Variants in RSU1 observed in about 807,000 individuals in gnomAD.
RSU1 encodes Ras suppressor protein 1, also known as rsu-1.
In RSU1, 26 loss-of-function variants were observed where a neutral mutation model predicts 31.1. The observed-to-expected ratio is 0.84, with a 90% CI of 0.61 to 1.16. The LOEUF is 1.16. Ranked by LOEUF, RSU1 falls within the 50% of genes most tolerant of loss-of-function variation. The probability of loss-of-function intolerance (pLI) is 0.00; values close to 1 mark genes in which losing one functional copy is unlikely to be tolerated. For synonymous variants in RSU1, 164 were observed against 136.3 expected (o/e 1.20, Z -1.41); for missense variants, 320 against 339.1 (o/e 0.94, Z 0.44).
intron 8 of RSU1, among the ~76,000 whole-genome samples, chr10:16,627,460 G>A (rs1324328328): frequency 6.6e-6 from 1 of 152,096 alleles, no homozygotes; most frequent in African/African-American, 2.4e-5. Flanking sequence ...AGATTAAGAA[G>A]TAACAATTAT....
intron 4 of RSU1, among the ~76,000 whole-genome samples, chr10:16,761,070 T>A (rs758825342): frequency 6.6e-6 from 1 of 152,114 alleles, no homozygotes; most frequent in Non-Finnish European, 1.5e-5. Context: ...GCCTCCCAGG[T>A]AGAGTAGCTG....
At chr10:16,672,197 C>T (rs1030445001) in intron 8 of RSU1, among the ~76,000 whole-genome samples, 10 of 151,160 alleles carry the variant, frequency 6.6e-5, no homozygotes, top group African/African-American at 2.2e-4. Flanking sequence ...GTAGTCCCAG[C>T]TACTCAGGAG....
At chr10:16,687,794 A>G (rs1032702757) in intron 8 of RSU1, among the ~76,000 whole-genome samples, 4 of 152,106 alleles carry the variant, frequency 2.6e-5, no homozygotes, top group African/African-American at 9.7e-5. Flanking sequence ...ATCTTGGCTC[A>G]TTGCAACCTT....
At chr10:16,640,600 G>A (rs1016767337) in intron 8 of RSU1, among the ~76,000 whole-genome samples, 8 of 152,218 alleles carry the variant, frequency 5.3e-5, no homozygotes, top group Admixed American at 2.6e-4. Flanking sequence ...ACTACTCCAA[G>A]CATAGTCAAT....
intron 2 of RSU1, among the ~76,000 whole-genome samples, chr10:16,791,029 G>A (rs1837902205): frequency 6.6e-6 from 1 of 152,088 alleles, no homozygotes; most frequent in Non-Finnish European, 1.5e-5. Flanking sequence ...GGAAGGAGTG[G>A]TCAGTATTTT....
At chr10:16,670,268 C>T (rs368221454) in intron 8 of RSU1, among the ~76,000 whole-genome samples, 251 of 152,294 alleles carry the variant, frequency 1.6e-3, no homozygotes, top group African/African-American at 5.8e-3. Flanking sequence ...AGATAGATTT[C>T]GACAGTGTTC....
At chr10:16,769,825 C>T (rs1286356861) in intron 3 of RSU1, among the ~76,000 whole-genome samples, 4 of 152,196 alleles carry the variant, frequency 2.6e-5, no homozygotes, top group South Asian at 4.1e-4. Flanking sequence ...ACTGATGACA[C>T]GTGAAACAAA....
intron 2 of RSU1, among the ~76,000 whole-genome samples, chr10:16,791,189 G>A (rs1235486243): frequency 6.6e-6 from 1 of 152,118 alleles, no homozygotes; most frequent in East Asian, 1.9e-4. Context: ...ACCATACCCA[G>A]CTAATTTTTC....
At position 16,808,486 on chromosome 10, in the gene RSU1, A is replaced by G. The variant is rs933567066; in HGVS notation, c.109+8487T>C. 6.6e-4 allele frequency among the ~76,000 whole-genome samples: 22 copies of G among 33,156 alleles called. No individual in the cohort carries two copies. In the African/African-American group the frequency reaches 7.7e-3, roughly 12 times the overall value. The allele number at this position is 33,156 out of a possible 152,430, so 21.8% of individuals were successfully genotyped here. On this transcript the variant is annotated intron_variant, in intron 2 of 8. Transcript: ENST00000345264. ...CAACAAGAGTGAAACTCCATTTAAG[A>G]AAAAAAAAAAAAAAAAAAAACAAAG...
At chr10:16,760,479 A>T (rs1588517820) in intron 4 of RSU1, among the ~76,000 whole-genome samples, 1 of 150,726 alleles carries the variant, frequency 6.6e-6, no homozygotes, top group African/African-American at 2.4e-5. Context: ...ATTGCACTGG[A>T]GCCTGGGCAA....
At chr10:16,612,836 C>T (rs914923676) in intron 8 of RSU1, among the ~76,000 whole-genome samples, 1 of 152,202 alleles carries the variant, frequency 6.6e-6, no homozygotes, top group Non-Finnish European at 1.5e-5. Flanking sequence ...TAAGGAAATG[C>T]ATCAGACACT....
At chr10:16,681,123 C>T (rs1394871319) in intron 8 of RSU1, among the ~76,000 whole-genome samples, 1 of 152,198 alleles carries the variant, frequency 6.6e-6, no homozygotes, top group East Asian at 1.9e-4. Context: ...ACCCTGCTGA[C>T]TATTTGCATG....
At chr10:16,632,017 G>A (rs991623746) in intron 8 of RSU1, among the ~76,000 whole-genome samples, 2 of 152,166 alleles carry the variant, frequency 1.3e-5, no homozygotes, top group African/African-American at 2.4e-5. Flanking sequence ...TGACTGACAA[G>A]CTCTTCCACC....
intron 8 of RSU1, among the ~76,000 whole-genome samples, chr10:16,635,332 C>A (rs1448042844): frequency 3.3e-5 from 5 of 152,162 alleles, no homozygotes; most frequent in Admixed American, 3.3e-4. Flanking sequence ...CCAACTATTT[C>A]ATATCCTTTC....
intron 5 of RSU1, among the ~76,000 whole-genome samples, chr10:16,753,907 G>A (rs866018572): frequency 9.2e-5 from 14 of 152,158 alleles, no homozygotes; most frequent in African/African-American, 3.4e-4. Flanking sequence ...ACAGGCTCAT[G>A]CTACTATGCC....
chr10:16,755,093 A>AGG (rs1837057122), intron 4 of RSU1, 104 bp from the exon 5 acceptor site: 1 of 654,730 alleles, frequency 1.5e-6, no homozygotes, highest in South Asian at 2.0e-5. Context: ...AGACAGTGCC[A>AGG]TGATCCTAGA....
intron 7 of RSU1, among the ~76,000 whole-genome samples, chr10:16,720,444 AG>A (rs1445105970): frequency 6.6e-6 from 1 of 152,258 alleles, no homozygotes; most frequent in Admixed American, 6.5e-5. Flanking sequence ...AGAATTACTT[AG>A]ATAATCTCTG....
intron 8 of RSU1, among the ~76,000 whole-genome samples, chr10:16,607,134 G>A (rs1418171710): frequency 5.3e-5 from 8 of 152,132 alleles, no homozygotes; most frequent in South Asian, 4.1e-4. Flanking sequence ...GAGTTCTCGC[G>A]AGATCTGGTT....
At position 16,681,364 on chromosome 10, in the gene RSU1, T is replaced by C. The variant is rs868618100; in HGVS notation, c.731+13659A>G. 2.0e-4 allele frequency among the ~76,000 whole-genome samples: 31 copies of C among 152,252 alleles called. No homozygotes were observed. The Middle Eastern group carries it at 0.014, about 67-fold the overall frequency. ...AAGAATCGAAACTGTCAGGAATTCG[T>C]GTGTAAGAATAAGTTACTGCCAAAC... On this transcript the variant is annotated intron_variant, in intron 8 of 8. Coordinates refer to ENST00000345264, the MANE Select transcript of RSU1 (RefSeq NM_012425.4).
Sources: allele counts gnomAD v4.1 joint callset (sites outside exome capture counted in the v4.1 genomes callset), GRCh38; gene constraint gnomAD v4.1.1; transcripts MANE v1.5; gene names NCBI Gene and HGNC (gene_info 2026-07-23, HGNC 2026-07-21).